Variants in PPP3CA observed in about 807,000 individuals in gnomAD.
The protein encoded by PPP3CA is protein phosphatase 3 catalytic subunit alpha.
In PPP3CA, 14 loss-of-function variants were observed where a neutral mutation model predicts 66.5. The ratio of observed to expected loss-of-function variants is 0.21; its 90% CI spans 0.14 to 0.33. The LOEUF (loss-of-function observed/expected upper bound fraction) is 0.33. Among genes scored for constraint, PPP3CA ranks in the 10% least tolerant of loss-of-function variants. PPP3CA has a pLI of 1.00. For synonymous variants in PPP3CA, 232 were observed against 226.2 expected (o/e 1.03, Z -0.23); for missense variants, 317 against 639.5 (o/e 0.50, Z 5.44).
At chr4:101,292,081 AACACACACACACACACAC>A (rs3974776) in intron 1 of PPP3CA, among the ~76,000 whole-genome samples, 51 of 130,726 alleles carry the variant, frequency 3.9e-4, no homozygotes, top group African/African-American at 1.0e-3. Context: ...TGAGCCCATG[AACACACACACACACACAC>A]ACACACACAC....
At chr4:101,191,361 T>C (rs1427329868) in intron 2 of PPP3CA, among the ~76,000 whole-genome samples, 1 of 152,180 alleles carries the variant, frequency 6.6e-6, no homozygotes, top group African/African-American at 2.4e-5. Flanking sequence ...CAAAGGACTT[T>C]GGCTCTCATG....
At chr4:101,158,529 T>C (rs1437092138) in intron 2 of PPP3CA, among the ~76,000 whole-genome samples, 1 of 152,178 alleles carries the variant, frequency 6.6e-6, no homozygotes, top group Non-Finnish European at 1.5e-5. Flanking sequence ...GTTTAGGACT[T>C]TGGGCCTCGG....
chr4:101,169,891 A>G (rs2110314218), intron 2 of PPP3CA, among the ~76,000 whole-genome samples: 1 of 152,306 alleles, frequency 6.6e-6, no homozygotes, highest in East Asian at 1.9e-4. Flanking sequence ...TTGGGGAGTC[A>G]GTTTTGATTC....
intron 10 of PPP3CA, among the ~76,000 whole-genome samples, chr4:101,056,950 C>T (rs1728249962): frequency 1.3e-5 from 2 of 151,974 alleles, no homozygotes; most frequent in Non-Finnish European, 2.9e-5. Context: ...CATCTTTAAG[C>T]ACCCTAACCC....
At chr4:101,293,132 T>C (rs964593217) in intron 1 of PPP3CA, among the ~76,000 whole-genome samples, 3 of 152,196 alleles carry the variant, frequency 2.0e-5, no homozygotes, top group Non-Finnish European at 4.4e-5. Flanking sequence ...ACACTCACAA[T>C]GTGGTCAATG....
chr4:101,156,830 G>C (rs1030259075), intron 2 of PPP3CA, among the ~76,000 whole-genome samples: 1 of 152,174 alleles, frequency 6.6e-6, no homozygotes, highest in African/African-American at 2.4e-5. Context: ...CCTTTAAATC[G>C]ATTTCTAAAA....
At position 101,102,920 on chromosome 4, in the gene PPP3CA, G is replaced by A. The variant is rs1401447647; in HGVS notation, c.385-3198C>T. Among the ~76,000 whole-genome samples, 4 of 152,198 alleles carry A rather than the reference G, an allele frequency of 2.6e-5. No individual in the cohort carries two copies. The East Asian group carries it at 5.8e-4, about 22-fold the overall frequency. ...TAATCACTTCAACTGGACCGCTATT[G>A]TCTTTCTATTCTGACTCTTAATTAA... is the stretch of plus-strand genomic sequence containing the variant. On this transcript the variant is annotated intron_variant, in intron 3 of 13. Transcript: ENST00000394854.
intron 6 of PPP3CA, among the ~76,000 whole-genome samples, chr4:101,092,006 G>A (rs1729974557): frequency 1.3e-5 from 2 of 151,918 alleles, no homozygotes; most frequent in Admixed American, 6.6e-5. Flanking sequence ...AATGATAAGA[G>A]ACTTTAGTGA....
chr4:101,303,518 T>C (rs1728443144), intron 1 of PPP3CA, among the ~76,000 whole-genome samples: 1 of 152,198 alleles, frequency 6.6e-6, no homozygotes, highest in Non-Finnish European at 1.5e-5. Context: ...ATCCAATTAT[T>C]TTAATATAGC....
chr4:101,026,401 G>A (rs1231511773), intron 13 of PPP3CA, among the ~76,000 whole-genome samples: 2 of 152,148 alleles, frequency 1.3e-5, no homozygotes. Context: ...TCTAGAACCA[G>A]CATCAACTGG....
chr4:101,259,334 G>A (rs945994635), intron 1 of PPP3CA, among the ~76,000 whole-genome samples: 7 of 121,362 alleles, frequency 5.8e-5, no homozygotes, highest in African/African-American at 2.0e-4. Flanking sequence ...TTGACAGGAA[G>A]GCAATCATTC....
chr4:101,080,424 T>TA, intron 8 of PPP3CA, 108 bp downstream of exon 8: 3 of 506,838 alleles, frequency 5.9e-6, no homozygotes, highest in Non-Finnish European at 9.4e-6. Flanking sequence ...TGAAAAAATT[T>TA]TAAAAAAAAA....
chr4:101,238,657 T>A (rs1413896800), intron 1 of PPP3CA, among the ~76,000 whole-genome samples: 1 of 152,098 alleles, frequency 6.6e-6, no homozygotes, highest in Non-Finnish European at 1.5e-5. Flanking sequence ...GAGATGGGAT[T>A]CAAAAATCAT....
intron 1 of PPP3CA, among the ~76,000 whole-genome samples, chr4:101,274,357 T>C (rs1727425780): frequency 6.6e-6 from 1 of 152,192 alleles, no homozygotes; most frequent in African/African-American, 2.4e-5. Flanking sequence ...AGAAAATATG[T>C]TCATGTCTCA....
chr4:101,220,414 A>C (rs1045782118), intron 1 of PPP3CA, among the ~76,000 whole-genome samples: 1 of 151,450 alleles, frequency 6.6e-6, no homozygotes, highest in Non-Finnish European at 1.5e-5. Context: ...ATTTGAATCT[A>C]TCTCTTTATA....
At chr4:101,035,123 G>C (rs1486941553) in intron 11 of PPP3CA, among the ~76,000 whole-genome samples, 4 of 152,028 alleles carry the variant, frequency 2.6e-5, no homozygotes, top group Non-Finnish European at 5.9e-5. Flanking sequence ...ATAAAAATTA[G>C]CCGGGTGTGA....
intron 1 of PPP3CA, among the ~76,000 whole-genome samples, chr4:101,230,671 A>G (rs1345336764): frequency 6.6e-6 from 1 of 151,614 alleles, no homozygotes; most frequent in Non-Finnish European, 1.5e-5. Context: ...CCTGCCTGTA[A>G]TAGCACCTCC....
chr4:101,161,920 C>G (rs758882888), intron 2 of PPP3CA, among the ~76,000 whole-genome samples: 104 of 152,200 alleles, frequency 6.8e-4, no homozygotes, highest in African/African-American at 2.5e-3. Context: ...AAAAATTTTA[C>G]CTTGATAGTC....
intron 2 of PPP3CA, among the ~76,000 whole-genome samples, chr4:101,129,258 T>G (rs963517549): frequency 6.6e-6 from 1 of 152,152 alleles, no homozygotes; most frequent in Non-Finnish European, 1.5e-5. Context: ...CAGGGGCTTA[T>G]AGATAAAACT....
Sources: gnomAD v4.1 joint callset for allele counts (sites outside exome capture counted in the v4.1 genomes callset) on GRCh38, gnomAD v4.1.1 for gene constraint, MANE v1.5 for transcripts, NCBI Gene and HGNC (gene_info 2026-07-23, HGNC 2026-07-21) for gene names.